CRB1: variants seen among roughly 807,000 people sequenced by gnomAD.
The protein encoded by CRB1 is protein crumbs homolog 1.
In CRB1, 83 loss-of-function variants were observed where a neutral mutation model predicts 120.0. The ratio of observed to expected loss-of-function variants is 0.69; its 90% CI spans 0.58 to 0.83. CRB1 has a LOEUF of 0.83. Among genes scored for constraint, CRB1 ranks in the 40% least tolerant of loss-of-function variants. CRB1 has a pLI of 0.00. For missense variants in CRB1, 1,699 were observed against 1,687.6 expected (o/e 1.01, Z -0.12); for synonymous variants, 625 against 612.5 (o/e 1.02, Z -0.30).
At position 197,435,503 on chromosome 1, in the gene CRB1, G is replaced by A. The variant is rs764745902; in HGVS notation, c.3640G>A (p.Asp1214Asn). Residue 1214 changes from aspartate to asparagine, a missense_variant, in exon 9 of 12, where the codon GAT (aspartate) becomes AAT (asparagine). Asp to Asn is a conservative substitution (Grantham distance 23). Coordinates refer to ENST00000367400, the MANE Select transcript of CRB1 (RefSeq NM_201253.3). ...PGYTGVNCEV[D>N]IDNCQSHQCA... ...ATACACTGGTGTGAACTGTGAAGTG[G>A]ATATAGACAACTGCCAGAGTCACCA... The A allele has an allele frequency of 6.2e-7, 1 of 1,610,644 alleles. No individual in the cohort carries two copies. Among genetic ancestry groups the A allele is most frequent in the South Asian group, 1.1e-5 (1 of 90,296 alleles).
intron 11 of CRB1, among the ~76,000 whole-genome samples, chr1:197,476,429 T>C (rs939843584): frequency 6.6e-6 from 1 of 151,480 alleles, no homozygotes; most frequent in East Asian, 1.9e-4. Context: ...TCTCCAGAAT[T>C]TGAGCTCCAG....
chr1:197,208,884 T>A, the CRB1 span, among the ~76,000 whole-genome samples: 6 of 152,112 alleles, frequency 3.9e-5, no homozygotes, highest in Admixed American at 3.9e-4. Flanking sequence ...GCTCAGACTC[T>A]CCTTGGTCAG....
chr1:197,252,582 A>ATATATATATATATATGTGTG, the CRB1 span, among the ~76,000 whole-genome samples: 4 of 15,502 alleles, frequency 2.6e-4, no homozygotes, highest in Non-Finnish European at 5.6e-4. Context: ...ATATATATAT[A>ATATATATATATATATGTGTG]TGTGTGTGTG....
chr1:197,389,332 T>C (rs61829427), intron 5 of CRB1, among the ~76,000 whole-genome samples: 1 of 152,140 alleles, frequency 6.6e-6, no homozygotes, highest in Non-Finnish European at 1.5e-5. Flanking sequence ...AAATATACCA[T>C]ACATATATCA....
intron 11 of CRB1, among the ~76,000 whole-genome samples, chr1:197,472,508 C>CA (rs1404007695): frequency 1.3e-5 from 2 of 152,082 alleles, no homozygotes; most frequent in Non-Finnish European, 2.9e-5. Context: ...TTACATTTTC[C>CA]AAAAAATCCT....
intron 11 of CRB1, among the ~76,000 whole-genome samples, chr1:197,451,391 CCTGATACT>C (rs1665966455): frequency 6.6e-6 from 1 of 152,156 alleles, no homozygotes; most frequent in Non-Finnish European, 1.5e-5. Flanking sequence ...GCCGAGATCA[CCTGATACT>C]TTGGAGAAAG....
At chr1:197,252,249 C>A in the CRB1 span, among the ~76,000 whole-genome samples, 6 of 151,572 alleles carry the variant, frequency 4.0e-5, no homozygotes, top group Admixed American at 2.6e-4. Context: ...ATAATTTTTG[C>A]ATGTCATAGA....
chr1:197,202,718 A>G, the CRB1 span, among the ~76,000 whole-genome samples: 11 of 152,226 alleles, frequency 7.2e-5, no homozygotes, highest in African/African-American at 2.2e-4. Flanking sequence ...AAGAGAACCA[A>G]TAGACCAAAA....
In CRB1 at chr1:197,292,603, C is replaced by CA. The variant is rs954901516; in HGVS notation, c.70+24129dup. Among the ~76,000 whole-genome samples, 27 of 151,526 alleles carry CA rather than the reference C, an allele frequency of 1.8e-4. No homozygotes were observed. The South Asian group carries it at 2.1e-3, about 12-fold the overall frequency. ...ATACAAAAGCCTGGCACAGACACAA[C>CA]AAAAAAAAGAGAATTTTAGACCAAT... On this transcript the variant is annotated intron_variant, in intron 1 of 11. Coordinates refer to ENST00000367400, the MANE Select transcript of CRB1 (RefSeq NM_201253.3).
chr1:197,327,265 A>C (rs1435003389), intron 1 of CRB1, among the ~76,000 whole-genome samples: 2 of 152,224 alleles, frequency 1.3e-5, no homozygotes, highest in Non-Finnish European at 1.5e-5. Flanking sequence ...ATTGATAATA[A>C]AAACCACTGA....
chr1:197,384,891 A>G (rs1251315195), intron 5 of CRB1, among the ~76,000 whole-genome samples: 2 of 152,146 alleles, frequency 1.3e-5, no homozygotes, highest in African/African-American at 4.8e-5. Flanking sequence ...CTCTCTGTTA[A>G]AGATTCTTGG....
At chr1:197,326,494 G>A (rs938495068) in intron 1 of CRB1, among the ~76,000 whole-genome samples, 1 of 152,002 alleles carries the variant, frequency 6.6e-6, no homozygotes, top group African/African-American at 2.4e-5. Flanking sequence ...AACCAGGCAT[G>A]GTGGTGGGCT....
intron 11 of CRB1, among the ~76,000 whole-genome samples, chr1:197,473,549 A>T (rs1431201249): frequency 6.6e-6 from 1 of 152,102 alleles, no homozygotes; most frequent in Non-Finnish European, 1.5e-5. Context: ...TTAATCATAC[A>T]TACAATATAC....
At position 197,453,233 on chromosome 1, in the gene CRB1, G is replaced by A. The variant is rs887367833; in HGVS notation, c.4005+10941G>A. ...AGGAGCTAGGGGGAAGTGGAAATGG[G>A]GAGATGTCATTAAATAAGTATGTGT... On this transcript the variant is annotated intron_variant, in intron 11 of 11. Coordinates refer to ENST00000367400, the MANE Select transcript of CRB1 (RefSeq NM_201253.3). Among the ~76,000 whole-genome samples, 3 of 148,514 alleles carry A rather than the reference G, an allele frequency of 2.0e-5. No homozygotes were observed. In the South Asian group the frequency reaches 6.3e-4, roughly 31 times the overall value.
chr1:197,382,696 G>C (rs1021008424), intron 5 of CRB1, among the ~76,000 whole-genome samples: 1 of 152,086 alleles, frequency 6.6e-6, no homozygotes, highest in Non-Finnish European at 1.5e-5. Flanking sequence ...GACACATATA[G>C]GTATCCAGAT....
At chr1:197,448,937 A>C (rs1223125885) in intron 11 of CRB1, among the ~76,000 whole-genome samples, 1 of 152,256 alleles carries the variant, frequency 6.6e-6, no homozygotes, top group Non-Finnish European at 1.5e-5. Context: ...TTGAGAAGAA[A>C]TTATATTGCT....
At position 197,449,466 on chromosome 1, in the gene CRB1, A is replaced by G. The variant is rs542473025; in HGVS notation, c.4005+7174A>G. 4.6e-3 allele frequency among the ~76,000 whole-genome samples: 701 copies of G among 152,260 alleles called. 9 individuals are homozygous for G. The highest frequency in any genetic ancestry group is 0.016 in the African/African-American group (655 of 41,528). On this transcript the variant is annotated intron_variant, in intron 11 of 11. Coordinates refer to ENST00000367400, the MANE Select transcript of CRB1 (RefSeq NM_201253.3). ...ACTGCAAGCTCCGCCTGCCGGGTTC[A>G]TGCCATTCTCCTGCCTCAGCCTCTC...
rs1381483469 is a variant in CRB1 at position 197,421,934 on chromosome 1, T to C, written c.2106T>C (p.Tyr702=). The change falls in exon 6 of 12, where the codon TAT becomes TAC. Residue 702 remains tyrosine, a synonymous_variant. Coordinates refer to ENST00000367400, the MANE Select transcript of CRB1 (RefSeq NM_201253.3). ...ACCAGTGTGACTGCCACAGGCCCTATGAAGGCCCCAACTGTCTGAGAGGTG... is the reference window on the plus strand; with the variant it reads ...ACCAGTGTGACTGCCACAGGCCCTACGAAGGCCCCAACTGTCTGAGAGGTG... ...LSYQCDCHRP[Y]EGPNCLREYV... The C allele has an allele frequency of 3.1e-6, 5 of 1,614,090 alleles. No homozygotes were observed. The highest frequency in any genetic ancestry group is 1.6e-4 in the Middle Eastern group (1 of 6,062).
intron 1 of CRB1, among the ~76,000 whole-genome samples, chr1:197,288,958 A>G (rs1655999914): frequency 6.8e-6 from 1 of 147,088 alleles, no homozygotes; most frequent in Non-Finnish European, 1.5e-5. Context: ...GATGAAAACT[A>G]TGAATACATA....
Sources: allele counts gnomAD v4.1 joint callset (sites outside exome capture counted in the v4.1 genomes callset), GRCh38; gene constraint gnomAD v4.1.1; transcripts MANE v1.5; gene names NCBI Gene and HGNC (gene_info 2026-07-23, HGNC 2026-07-21).